RSPH14: variants seen among roughly 807,000 people sequenced by gnomAD.
RSPH14 encodes rhabdoid tumor deletion region gene 1.
A neutral mutation model predicts 26.7 loss-of-function variants in RSPH14; 20 were observed. The ratio of observed to expected loss-of-function variants is 0.75; its 90% CI spans 0.53 to 1.09. The LOEUF (loss-of-function observed/expected upper bound fraction) is 1.09, where lower values mean the gene tolerates loss of function less well. Ranked by LOEUF, RSPH14 falls within the 50% of genes least tolerant of loss-of-function variation. RSPH14 has a pLI of 0.00. For missense variants in RSPH14, 449 were observed against 457.2 expected (o/e 0.98, Z 0.16); for synonymous variants, 177 against 189.3 (o/e 0.93, Z 0.53).
chr22:23,095,818 C>G (rs769261083), intron 4 of RSPH14: 3 of 1,613,498 alleles, frequency 1.9e-6, no homozygotes, highest in African/African-American at 2.7e-5. Flanking sequence ...TGCTGGGCAC[C>G]AGCAACTCAG....
At chr22:23,140,118 G>C (rs1456700787) in intron 2 of RSPH14, 104 bp downstream of exon 2, 38 of 1,440,486 alleles carry the variant, frequency 2.6e-5, no homozygotes, top group Non-Finnish European at 3.6e-5. Flanking sequence ...AACTGGCCTG[G>C]AGTCAGGCTC....
the RSPH14 span, among the ~76,000 whole-genome samples, chr22:23,174,862 G>A: frequency 6.6e-6 from 1 of 151,882 alleles, no homozygotes; most frequent in African/African-American, 2.4e-5. Context: ...CAGCTACTCG[G>A]GAGGCTGAGG....
chr22:23,145,505 C>T, upstream of RSPH14: 2 of 1,606,018 alleles, frequency 1.2e-6, no homozygotes, highest in Non-Finnish European at 1.7e-6. Context: ...GCCGCTGGCT[C>T]AGGCGGACCA....
chr22:23,111,767 C>T (rs1052321973), intron 4 of RSPH14, among the ~76,000 whole-genome samples: 9 of 152,214 alleles, frequency 5.9e-5, no homozygotes, highest in Non-Finnish European at 1.2e-4. Flanking sequence ...CGTGGGCAAG[C>T]GGCCAGGCTC....
intron 4 of RSPH14, among the ~76,000 whole-genome samples, chr22:23,128,976 A>G (rs2070246077): frequency 6.6e-6 from 1 of 152,186 alleles, no homozygotes; most frequent in Admixed American, 6.5e-5. Flanking sequence ...ATTCACTGGG[A>G]GCCAGCTAAG....
chr22:23,096,918 A>T (rs141573583), intron 4 of RSPH14, among the ~76,000 whole-genome samples: 1 of 152,346 alleles, frequency 6.6e-6, no homozygotes, highest in African/African-American at 2.4e-5. Flanking sequence ...GCGCAGCCCG[A>T]GGGAGACCTG....
chr22:23,069,843 G>A (rs963844533), intron 4 of RSPH14, among the ~76,000 whole-genome samples: 1 of 152,178 alleles, frequency 6.6e-6, no homozygotes. Flanking sequence ...CAGGAAAGCA[G>A]GTGCCACTAG....
At chr22:23,155,509 T>C in the RSPH14 span, among the ~76,000 whole-genome samples, 3 of 152,306 alleles carry the variant, frequency 2.0e-5, no homozygotes, top group South Asian at 6.2e-4. Flanking sequence ...ACCTGCAGTG[T>C]GGAAGGTGAA....
chr22:23,069,772 G>C (rs1488557122), intron 4 of RSPH14, among the ~76,000 whole-genome samples: 1 of 152,126 alleles, frequency 6.6e-6, no homozygotes, highest in East Asian at 1.9e-4. Context: ...AACCTCACCG[G>C]TGTAAATCGT....
intron 4 of RSPH14, among the ~76,000 whole-genome samples, chr22:23,091,067 C>T (rs2068957544): frequency 6.6e-6 from 1 of 152,206 alleles, no homozygotes; most frequent in Non-Finnish European, 1.5e-5. Flanking sequence ...CACATGCAAC[C>T]ACATGCAGAT....
chr22:23,089,637 C>T (rs1297419046), intron 4 of RSPH14, among the ~76,000 whole-genome samples: 1 of 152,084 alleles, frequency 6.6e-6, no homozygotes. Flanking sequence ...GAGAGGGCCA[C>T]GTCTGGAAGG....
intron 4 of RSPH14, among the ~76,000 whole-genome samples, chr22:23,111,418 T>C (rs920434746): frequency 3.9e-5 from 6 of 152,208 alleles, no homozygotes; most frequent in African/African-American, 1.4e-4. Flanking sequence ...TCTCAAGTGC[T>C]TGGGACAGGG....
At chr22:23,127,933 G>C (rs2070225047) in intron 4 of RSPH14, among the ~76,000 whole-genome samples, 1 of 152,078 alleles carries the variant, frequency 6.6e-6, no homozygotes, top group Admixed American at 6.5e-5. Flanking sequence ...CTCCTCTCGG[G>C]CTGGTGCTCT....
chr22:23,119,400 T>A (rs949304728), intron 4 of RSPH14, among the ~76,000 whole-genome samples: 2 of 152,208 alleles, frequency 1.3e-5, no homozygotes, highest in African/African-American at 4.8e-5. Context: ...GGGTCCTGAC[T>A]TTGTAACCGT....
intron 4 of RSPH14, among the ~76,000 whole-genome samples, chr22:23,104,339 G>A (rs2069396784): frequency 6.6e-6 from 1 of 152,162 alleles, no homozygotes; most frequent in Admixed American, 6.5e-5. Flanking sequence ...TCAGCCCCAG[G>A]ACTGTGTCCC....
chr22:23,102,588 C>A (rs1013203756), intron 4 of RSPH14, among the ~76,000 whole-genome samples: 11 of 152,340 alleles, frequency 7.2e-5, no homozygotes, highest in Admixed American at 2.6e-4. Context: ...GGGCTCAAGC[C>A]CTGCTGCTTG....
chr22:23,146,644 C>T (rs371958147), upstream of RSPH14: 39 of 1,613,736 alleles, frequency 2.4e-5, no homozygotes, highest in Non-Finnish European at 3.0e-5. Context: ...ACCTTTGGGG[C>T]CCCCTGTGAG....
At chr22:23,157,909 T>C in the RSPH14 span, 2 of 1,597,748 alleles carry the variant, frequency 1.3e-6, no homozygotes, top group Non-Finnish European at 1.7e-6. Context: ...TGGCAGTTCC[T>C]TGGGAGCTGG....
At chr22:23,151,558 G>T in the RSPH14 span, among the ~76,000 whole-genome samples, 4 of 152,100 alleles carry the variant, frequency 2.6e-5, no homozygotes, top group African/African-American at 7.2e-5. Flanking sequence ...TTGGCTCCTT[G>T]GGGATGAGCT....
Sources: gnomAD v4.1 joint callset for allele counts (sites outside exome capture counted in the v4.1 genomes callset) on GRCh38, gnomAD v4.1.1 for gene constraint, MANE v1.5 for transcripts, NCBI Gene and HGNC (gene_info 2026-07-23, HGNC 2026-07-21) for gene names.